SLC15A2: variants seen among roughly 807,000 people sequenced by gnomAD.
SLC15A2 encodes the protein solute carrier family 15 member 2.
SLC15A2 carries 77 observed loss-of-function variants against 95.5 expected under a neutral mutation model. The ratio of observed to expected loss-of-function variants is 0.81; its 90% CI spans 0.67 to 0.97. The LOEUF (loss-of-function observed/expected upper bound fraction) is 0.97. Among genes scored for constraint, SLC15A2 ranks in the 50% least tolerant of loss-of-function variants. The probability of loss-of-function intolerance (pLI) is 0.00; values close to 1 mark genes in which losing one functional copy is unlikely to be tolerated. For synonymous variants in SLC15A2, 306 were observed against 306.9 expected, an observed-to-expected ratio of 1.00 and a Z score of 0.03; for missense variants, 893 against 874.4, an observed-to-expected ratio of 1.02 and a Z score of -0.27.
intron 21 of SLC15A2, 93 bp from the exon 22 acceptor site, chr3:121,940,738 C>G (rs1184009626): frequency 1.5e-6 from 2 of 1,350,076 alleles, no homozygotes; most frequent in African/African-American, 2.9e-5. Context: ...AACTGGTGAT[C>G]CCAGGTCAGT....
At chr3:121,901,823 G>A (rs1024520833) in intron 3 of SLC15A2, among the ~76,000 whole-genome samples, 6 of 148,786 alleles carry the variant, frequency 4.0e-5, no homozygotes, top group African/African-American at 1.5e-4. Flanking sequence ...CCTCTCATAT[G>A]TTTCTCTGCC....
intron 7 of SLC15A2, among the ~76,000 whole-genome samples, chr3:121,921,878 A>T (rs989829124): frequency 3.9e-5 from 6 of 152,240 alleles, no homozygotes; most frequent in African/African-American, 1.2e-4. Flanking sequence ...GAGATGGAGA[A>T]AGAAGAGTAA....
chr3:121,931,204 G>A lies in SLC15A2; in HGVS notation c.1664+254G>A, dbSNP rs1288214464. 2.0e-5 allele frequency among the ~76,000 whole-genome samples: 3 copies of A among 152,094 alleles called. 1 individual carries two copies. Among genetic ancestry groups the A allele is most frequent in the East Asian group, 3.9e-4 (2 of 5,188 alleles). On this transcript the variant is annotated intron_variant, in intron 18 of 21. Transcript: ENST00000489711. Reference sequence around the variant, plus strand: ...CATCTCTGTATAGTTAACACAGTCCGTCTCTGTGAGTTTCTCAAAGTTTAT... The same window carrying A: ...CATCTCTGTATAGTTAACACAGTCCATCTCTGTGAGTTTCTCAAAGTTTAT...
chr3:121,913,809 A>G (rs761150880), intron 5 of SLC15A2, among the ~76,000 whole-genome samples: 21 of 152,150 alleles, frequency 1.4e-4, no homozygotes, highest in African/African-American at 1.9e-4. Flanking sequence ...ATCTGTCAAC[A>G]TTTCTGGCTT....
intron 20 of SLC15A2, 132 bp downstream of exon 20, chr3:121,939,627 A>G (rs543684255): frequency 3.2e-6 from 2 of 622,532 alleles, no homozygotes; most frequent in African/African-American, 3.8e-5. Context: ...CCCTGAACAT[A>G]TATGACCTGA....
At chr3:121,908,576 T>C (rs1326244803) in intron 3 of SLC15A2, among the ~76,000 whole-genome samples, 1 of 152,202 alleles carries the variant, frequency 6.6e-6, no homozygotes, top group African/African-American at 2.4e-5. Context: ...AGTGGGTCTG[T>C]ATAGTATGTC....
intron 3 of SLC15A2, among the ~76,000 whole-genome samples, chr3:121,903,939 G>A (rs941941767): frequency 1.8e-4 from 28 of 152,124 alleles, no homozygotes; most frequent in African/African-American, 6.3e-4. Context: ...ATTACCTTGG[G>A]CAGTATGGCC....
chr3:121,922,967 C>A, intron 9 of SLC15A2, 73 bp from the exon 10 acceptor site: 1 of 1,555,358 alleles, frequency 6.4e-7, no homozygotes, highest in Non-Finnish European at 8.8e-7. Flanking sequence ...GTTTTTTGGA[C>A]ACTTCTACTT....
chr3:121,924,343 T>C lies in SLC15A2; in HGVS notation c.1003-8T>C, dbSNP rs773286476. On this transcript the variant is annotated splice_region_variant and splice_polypyrimidine_tract_variant and intron_variant, in intron 11 of 21. Coordinates refer to ENST00000489711, the MANE Select transcript of SLC15A2 (RefSeq NM_021082.4). ...CATCAACTAAATTAATTTGTTAAAA[T>C]GTTTCAGGGGTTTTTTGTGCTTCAG... 32 of 1,612,188 alleles carry C rather than the reference T, an allele frequency of 2.0e-5. 1 individual carries two copies. The South Asian group carries it at 3.5e-4, about 18-fold the overall frequency.
At chr3:121,910,024 G>C (rs1456722489) in intron 3 of SLC15A2, among the ~76,000 whole-genome samples, 2 of 151,546 alleles carry the variant, frequency 1.3e-5, no homozygotes, top group African/African-American at 4.9e-5. Flanking sequence ...TAGATCATCT[G>C]TTTGGGGTTC....
intron 5 of SLC15A2, among the ~76,000 whole-genome samples, chr3:121,913,659 C>T (rs1251902573): frequency 2.0e-5 from 3 of 152,274 alleles, no homozygotes; most frequent in Non-Finnish European, 4.4e-5. Context: ...TGCAAGGAAA[C>T]GTAATGAATG....
At chr3:121,935,297 T>C (rs946600620) in intron 19 of SLC15A2, among the ~76,000 whole-genome samples, 1 of 152,206 alleles carries the variant, frequency 6.6e-6, no homozygotes, top group Non-Finnish European at 1.5e-5. Flanking sequence ...TTAGGGAGGA[T>C]TCCCTCTTTT....
At position 121,933,367 on chromosome 3, in the gene SLC15A2, C is replaced by T. The variant is rs1177547103; in HGVS notation, c.1761+1632C>T. 8.0e-5 allele frequency among the ~76,000 whole-genome samples: 12 copies of T among 149,410 alleles called. No homozygotes were observed. In the South Asian group the frequency reaches 1.7e-3, roughly 21 times the overall value. On this transcript the variant is annotated intron_variant, in intron 19 of 21. Transcript: ENST00000489711. ...CTTCCACAATGGTTGAACTAGTTTA[C>T]AGTCCCACCAACAGTGTAAAAGTGT...
intron 7 of SLC15A2, among the ~76,000 whole-genome samples, chr3:121,917,470 C>G (rs912529271): frequency 6.6e-6 from 1 of 152,116 alleles, no homozygotes; most frequent in Admixed American, 6.5e-5. Flanking sequence ...AGGAGGATTG[C>G]GTGAGCTCAG....
At position 121,922,296 on chromosome 3, in the gene SLC15A2, T is replaced by C. The variant is rs752598771; in HGVS notation, c.774T>C (p.Cys258=). The C allele has an allele frequency of 9.9e-6, 16 of 1,613,500 alleles. No homozygotes were observed. The highest frequency in any genetic ancestry group is 1.7e-4 in the Middle Eastern group (1 of 6,060). The change falls in exon 8 of 22, where the codon TGT becomes TGC. Residue 258 remains cysteine, a synonymous_variant. Coordinates refer to ENST00000489711, the MANE Select transcript of SLC15A2 (RefSeq NM_021082.4). Reference sequence around the variant, plus strand: ...ACATAGTGGCTCAAGTTTTCAAATGTATCTGGGTAAGTCCATAAATTGTTT... The same window carrying C: ...ACATAGTGGCTCAAGTTTTCAAATGCATCTGGGTAAGTCCATAAATTGTTT... ...EGNIVAQVFK[C]IWFAISNRFK...
At chr3:121,915,341 T>C in intron 6 of SLC15A2, 24 bp downstream of exon 6, 2 of 1,398,340 alleles carry the variant, frequency 1.4e-6, no homozygotes, top group Non-Finnish European at 2.0e-6. Context: ...TGAGGGGCCC[T>C]GTATAAGGCT....
At chr3:121,903,641 G>C (rs1246319191) in intron 3 of SLC15A2, among the ~76,000 whole-genome samples, 1 of 152,122 alleles carries the variant, frequency 6.6e-6, no homozygotes, top group Admixed American at 6.5e-5. Context: ...TGTCAGGTTT[G>C]TCAAAGATCA....
At chr3:121,895,569 T>G (rs1397526076) in intron 1 of SLC15A2, among the ~76,000 whole-genome samples, 2 of 152,226 alleles carry the variant, frequency 1.3e-5, no homozygotes, top group Non-Finnish European at 2.9e-5. Flanking sequence ...AAGATGTATA[T>G]ACTTCTCATG....
intron 11 of SLC15A2, among the ~76,000 whole-genome samples, 179 bp from the exon 12 acceptor site, chr3:121,924,172 A>G (rs1194012870): frequency 6.6e-6 from 1 of 152,188 alleles, no homozygotes; most frequent in Non-Finnish European, 1.5e-5. Context: ...AAGCTTTCCC[A>G]AGTCTGTTCC....
Sources: gnomAD v4.1 joint callset for allele counts (sites outside exome capture counted in the v4.1 genomes callset) on GRCh38, gnomAD v4.1.1 for gene constraint, MANE v1.5 for transcripts, NCBI Gene and HGNC (gene_info 2026-07-23, HGNC 2026-07-21) for gene names.